Variants in ADGRL2 observed in about 807,000 individuals in gnomAD.
ADGRL2 encodes calcium-independent alpha-latrotoxin receptor 2.
Under a neutral mutation model 157.4 loss-of-function variants are expected in ADGRL2, and 44 were observed. The observed-to-expected ratio is 0.28, with a 90% CI of 0.22 to 0.36. The LOEUF (loss-of-function observed/expected upper bound fraction) is 0.36. ADGRL2 is among the 10% of genes least tolerant of loss of function. The pLI, the probability that ADGRL2 is intolerant of heterozygous loss-of-function variation, is 1.00. For missense variants in ADGRL2, 1,510 were observed against 1,768.9 expected (o/e 0.85, Z 2.63); for synonymous variants, 585 against 624.7 (o/e 0.94, Z 0.95).
chr1:81,422,235 A>G (rs2077138867), intron 1 of ADGRL2, among the ~76,000 whole-genome samples: 2 of 151,996 alleles, frequency 1.3e-5, no homozygotes, highest in Non-Finnish European at 2.9e-5. Context: ...ATAAAGATGC[A>G]TTTTATCATA....
chr1:81,427,239 G>A, intron 1 of ADGRL2: 3 of 764,812 alleles, frequency 3.9e-6, no homozygotes, highest in South Asian at 2.7e-5. Context: ...GCTGGTGGAG[G>A]TGGTGGCAGC....
At chr1:81,442,365 C>A (rs77620733) in intron 1 of ADGRL2, among the ~76,000 whole-genome samples, 7,260 of 152,178 alleles carry the variant, frequency 0.048, 207 homozygotes, top group Non-Finnish European at 0.061. Context: ...ATGAAAATAT[C>A]CCTCTTTCAC....
chr1:81,986,846 T>C (rs1663286963), intron 21 of ADGRL2, 55 bp from the exon 22 acceptor site: 1 of 1,561,868 alleles, frequency 6.4e-7, no homozygotes, highest in Non-Finnish European at 8.7e-7. Flanking sequence ...AACACTAAAA[T>C]AAGAAACTGA....
intron 1 of ADGRL2, among the ~76,000 whole-genome samples, chr1:81,434,082 C>A (rs530625413): frequency 1.3e-5 from 2 of 152,182 alleles, no homozygotes; most frequent in Non-Finnish European, 2.9e-5. Flanking sequence ...TATGCTATCT[C>A]TTCTGCCCCA....
At chr1:81,747,091 C>A (rs535256666) in intron 1 of ADGRL2, among the ~76,000 whole-genome samples, 2 of 137,604 alleles carry the variant, frequency 1.5e-5, no homozygotes, top group African/African-American at 5.3e-5. Context: ...TGTGTATATA[C>A]GTAATATATA....
intron 3 of ADGRL2, among the ~76,000 whole-genome samples, chr1:81,921,535 G>A (rs190725758): frequency 6.6e-6 from 1 of 152,264 alleles, no homozygotes; most frequent in Admixed American, 6.5e-5. Flanking sequence ...GCTTTCAGAA[G>A]AGCACAACAT....
chr1:81,803,465 C>T (rs1033389742), intron 1 of ADGRL2, among the ~76,000 whole-genome samples: 18 of 152,064 alleles, frequency 1.2e-4, no homozygotes, highest in Non-Finnish European at 4.4e-5. Context: ...TCACTCTGTG[C>T]TCTCAAAGAA....
chr1:81,803,434 TC>T (rs886417959), intron 1 of ADGRL2, among the ~76,000 whole-genome samples: 2 of 151,476 alleles, frequency 1.3e-5, no homozygotes, highest in Admixed American at 6.6e-5. Context: ...AGGCTTTTTT[TC>T]CCCCCCTCCA....
chr1:81,868,094 T>TGTGTGA (rs397775704), intron 2 of ADGRL2, among the ~76,000 whole-genome samples: 2 of 150,538 alleles, frequency 1.3e-5, no homozygotes, highest in African/African-American at 4.9e-5. Context: ...TGTGTGTGTG[T>TGTGTGA]GATAAAAATT....
chr1:81,574,020 T>A (rs1245411396), intron 2 of ADGRL2, among the ~76,000 whole-genome samples: 1 of 152,126 alleles, frequency 6.6e-6, no homozygotes, highest in Admixed American at 6.5e-5. Flanking sequence ...ATTGCAAGTG[T>A]TAGAAAATGT....
intron 2 of ADGRL2, among the ~76,000 whole-genome samples, chr1:81,767,869 G>GAA (rs1225496041): frequency 4.5e-5 from 5 of 112,334 alleles, no homozygotes; most frequent in Admixed American, 3.6e-4. Context: ...AAAAAAAAAA[G>GAA]AAAAAAAAAA....
rs377581349 is a variant in ADGRL2, at chr1:81,583,176, C to T, written c.-143+2196C>T. Reference sequence around the variant, plus strand: ...CCTATTCCAAGACCAACTTCCTTCCCCTACTATTCTCTAAAAAAACCAAAG... The same window carrying T: ...CCTATTCCAAGACCAACTTCCTTCCTCTACTATTCTCTAAAAAAACCAAAG... On this transcript the variant is annotated intron_variant, in intron 3 of 24. Transcript: ENST00000370721. Among the ~76,000 whole-genome samples, 15 of 152,188 alleles carry T rather than the reference C, an allele frequency of 9.9e-5. No individual in the cohort carries two copies. The South Asian group carries it at 2.5e-3, about 25-fold the overall frequency.
intron 2 of ADGRL2, among the ~76,000 whole-genome samples, chr1:81,541,025 C>T (rs1460677308): frequency 6.6e-6 from 1 of 152,086 alleles, no homozygotes; most frequent in Non-Finnish European, 1.5e-5. Context: ...TACCGTATGT[C>T]CAGATGGAAG....
At chr1:81,356,901 A>G (rs369758620) in intron 1 of ADGRL2, among the ~76,000 whole-genome samples, 7 of 134,170 alleles carry the variant, frequency 5.2e-5, no homozygotes, top group African/African-American at 1.9e-4. Flanking sequence ...TGCAGTGAGC[A>G]GAGATCGCGC....
At chr1:81,705,739 A>T (rs534353195) in intron 1 of ADGRL2, among the ~76,000 whole-genome samples, 1 of 151,426 alleles carries the variant, frequency 6.6e-6, no homozygotes, top group Admixed American at 6.6e-5. Context: ...CAACAGCAAG[A>T]TTCCACCGCT....
chr1:81,720,025 A>T (rs1024427756), intron 1 of ADGRL2, among the ~76,000 whole-genome samples: 17 of 152,142 alleles, frequency 1.1e-4, no homozygotes, highest in Admixed American at 4.6e-4. Flanking sequence ...TTGTTTTACT[A>T]TATTTTATTA....
At chr1:81,463,402 A>G (rs1307156360) in intron 2 of ADGRL2, among the ~76,000 whole-genome samples, 2 of 152,132 alleles carry the variant, frequency 1.3e-5, no homozygotes, top group Non-Finnish European at 2.9e-5. Context: ...CTCTTGGTAA[A>G]TATAAATCCT....
chr1:81,829,543 G>C (rs12563262), intron 1 of ADGRL2, among the ~76,000 whole-genome samples: 21,388 of 152,200 alleles, frequency 0.14, 1,672 homozygotes, highest in East Asian at 0.2. Flanking sequence ...GGAAGGCAGA[G>C]TGTGAAATAT....
intron 3 of ADGRL2, among the ~76,000 whole-genome samples, chr1:81,598,803 G>A (rs2081285063): frequency 6.6e-6 from 1 of 152,200 alleles, no homozygotes; most frequent in Non-Finnish European, 1.5e-5. Context: ...CAGATGTGAA[G>A]GTATTCTTGT....
Sources: gnomAD v4.1 joint callset for allele counts (sites outside exome capture counted in the v4.1 genomes callset) on GRCh38, gnomAD v4.1.1 for gene constraint, MANE v1.5 for transcripts, NCBI Gene and HGNC (gene_info 2026-07-23, HGNC 2026-07-21) for gene names.